HEMK2: variants seen among roughly 807,000 people sequenced by gnomAD.
HEMK2 encodes the protein HemK methyltransferase 2, ETF1 glutamine and histone H4 lysine.
At chr21:28,757,477 G>A in the HEMK2 span, among the ~76,000 whole-genome samples, 2 of 152,122 alleles carry the variant, frequency 1.3e-5, no homozygotes, top group South Asian at 4.1e-4. Flanking sequence ...GGACCCTCTG[G>A]CCAAATGCAG....
chr21:28,806,844 G>A, the HEMK2 span, among the ~76,000 whole-genome samples: 1 of 152,154 alleles, frequency 6.6e-6, no homozygotes, highest in Non-Finnish European at 1.5e-5. Flanking sequence ...AGATGCTTCA[G>A]AGTGACCATG....
chr21:28,646,110 T>C, the HEMK2 span, among the ~76,000 whole-genome samples: 1 of 152,188 alleles, frequency 6.6e-6, no homozygotes, highest in Non-Finnish European at 1.5e-5. Flanking sequence ...TGATGAAATA[T>C]CTGTGTCTTG....
the HEMK2 span, among the ~76,000 whole-genome samples, chr21:28,786,407 A>C: frequency 2.0e-5 from 3 of 152,232 alleles, no homozygotes; most frequent in Non-Finnish European, 4.4e-5. Context: ...GCAGTGGCTC[A>C]TGCCTGTAAT....
chr21:28,877,698 TTTAGTA>T, the HEMK2 span, among the ~76,000 whole-genome samples: 1 of 151,932 alleles, frequency 6.6e-6, no homozygotes, highest in African/African-American at 2.4e-5. Flanking sequence ...GCTGAGGACT[TTTAGTA>T]TAAGCTGAAA....
chr21:28,778,918 T>C, the HEMK2 span, among the ~76,000 whole-genome samples: 1 of 152,200 alleles, frequency 6.6e-6, no homozygotes, highest in East Asian at 1.9e-4. Context: ...TTCACAGAGC[T>C]AGAGTTTTTA....
At chr21:28,703,864 G>A in the HEMK2 span, among the ~76,000 whole-genome samples, 4 of 152,186 alleles carry the variant, frequency 2.6e-5, no homozygotes, top group African/African-American at 9.6e-5. Flanking sequence ...TATATTTAAT[G>A]AGGTGTTACA....
At chr21:28,648,708 A>C in the HEMK2 span, among the ~76,000 whole-genome samples, 2 of 152,346 alleles carry the variant, frequency 1.3e-5, no homozygotes, top group South Asian at 2.1e-4. Flanking sequence ...TGTCAATGGC[A>C]GAGCAAGAAG....
the HEMK2 span, among the ~76,000 whole-genome samples, chr21:28,757,533 C>A: frequency 6.6e-6 from 1 of 152,096 alleles, no homozygotes; most frequent in African/African-American, 2.4e-5. Flanking sequence ...ACTCCCCTGC[C>A]CAAATACAGA....
chr21:28,864,003 A>G, the HEMK2 span, among the ~76,000 whole-genome samples: 1 of 151,656 alleles, frequency 6.6e-6, no homozygotes, highest in Non-Finnish European at 1.5e-5. Flanking sequence ...AATTTTTTGT[A>G]TTTTTTTAGT....
chr21:28,840,798 T>G, the HEMK2 span, among the ~76,000 whole-genome samples: 1 of 151,112 alleles, frequency 6.6e-6, no homozygotes, highest in Non-Finnish European at 1.5e-5. Flanking sequence ...GGAGATTCCT[T>G]AAGGAACTAA....
At chr21:28,847,588 T>C in the HEMK2 span, among the ~76,000 whole-genome samples, 1 of 152,238 alleles carries the variant, frequency 6.6e-6, no homozygotes, top group African/African-American at 2.4e-5. Context: ...ACTCTGTTAA[T>C]AGTTTCTTTT....
chr21:28,632,885 A>G, the HEMK2 span, among the ~76,000 whole-genome samples: 1 of 152,186 alleles, frequency 6.6e-6, no homozygotes, highest in Non-Finnish European at 1.5e-5. Flanking sequence ...CGGTGGGATG[A>G]GCAAAAAGCA....
At chr21:28,688,246 C>G in the HEMK2 span, among the ~76,000 whole-genome samples, 8 of 152,128 alleles carry the variant, frequency 5.3e-5, no homozygotes, top group Non-Finnish European at 1.0e-4. Flanking sequence ...TCAATGGGTT[C>G]GAGTGAAATT....
At chr21:28,617,604 AC>A in the HEMK2 span, among the ~76,000 whole-genome samples, 3 of 152,212 alleles carry the variant, frequency 2.0e-5, no homozygotes, top group Admixed American at 2.0e-4. Context: ...TTGTCTCTTC[AC>A]AATCCAAACA....
At chr21:28,822,851 A>C in the HEMK2 span, among the ~76,000 whole-genome samples, 1 of 147,630 alleles carries the variant, frequency 6.8e-6, no homozygotes, top group Non-Finnish European at 1.5e-5. Context: ...GGCTAATCCC[A>C]GATATTAACG....
chr21:28,793,404 AATATCCCCGGG>A, the HEMK2 span, among the ~76,000 whole-genome samples: 1 of 152,320 alleles, frequency 6.6e-6, no homozygotes, highest in Non-Finnish European at 1.5e-5. Context: ...TGTGTGTGTA[AATATCCCCGGG>A]ATAAATTATT....
At chr21:28,877,299 A>AGGAAGGAAGGAAGGGAGGAAGGAG in the HEMK2 span, among the ~76,000 whole-genome samples, 1 of 114,864 alleles carries the variant, frequency 8.7e-6, no homozygotes. Flanking sequence ...GAAGGAAGGA[A>AGGAAGGAAGGAAGGGAGGAAGGAG]GAGAGAGAGA....
chr21:28,858,410 C>T, the HEMK2 span, among the ~76,000 whole-genome samples: 2 of 152,192 alleles, frequency 1.3e-5, no homozygotes, highest in East Asian at 1.9e-4. Flanking sequence ...ACCACAATCA[C>T]CAGCTCCTAA....
At chr21:28,772,090 T>G in the HEMK2 span, among the ~76,000 whole-genome samples, 1 of 152,070 alleles carries the variant, frequency 6.6e-6, no homozygotes, top group Non-Finnish European at 1.5e-5. Context: ...TTCTCTGGGG[T>G]TTGCAGGAAC....
Sources: allele counts gnomAD v4.1 joint callset (sites outside exome capture counted in the v4.1 genomes callset), GRCh38; gene constraint gnomAD v4.1.1; transcripts MANE v1.5; gene names NCBI Gene and HGNC (gene_info 2026-07-23, HGNC 2026-07-21).